The following SH3PXD2B variants were observed in gnomAD, a reference collection of about 807,000 sequenced individuals.
SH3PXD2B encodes the protein SH3 and PX domains 2B.
A neutral mutation model predicts 73.1 loss-of-function variants in SH3PXD2B; 37 were observed. That is an observed-to-expected ratio of 0.51 (90% CI 0.39 to 0.67). The LOEUF (loss-of-function observed/expected upper bound fraction) is 0.67, where lower values mean the gene tolerates loss of function less well. SH3PXD2B is among the 30% of genes least tolerant of loss of function. The pLI is 0.00. For missense variants in SH3PXD2B, 1,053 were observed against 1,197.8 expected, an observed-to-expected ratio of 0.88 and a Z score of 1.78; for synonymous variants, 457 against 480.5, an observed-to-expected ratio of 0.95 and a Z score of 0.64.
At chr5:172,329,537 A>ATTTTTTTT (rs1189125823), downstream of SH3PXD2B, among the ~76,000 whole-genome samples, 2 of 62,952 alleles carry the variant, frequency 3.2e-5, no homozygotes, top group Non-Finnish European at 7.1e-5. Flanking sequence ...GATCTTTGTT[A>ATTTTTTTT]TTCTTTTTTT....
rs547065472 is a variant in SH3PXD2B, at chr5:172,342,893, G to A, written c.1189-2977C>T. 3.5e-4 allele frequency among the ~76,000 whole-genome samples: 54 copies of A among 152,322 alleles called. No individual in the cohort carries two copies. In the East Asian group the frequency reaches 7.1e-3, roughly 20 times the overall value. ...GCAGCCACAGACTCAGCGCCAGGAC[G>A]CAAATGCTGGGCTCCTGGGCCTGCA... On this transcript the variant is annotated intron_variant, in intron 12 of 12. Coordinates refer to ENST00000311601, the MANE Select transcript of SH3PXD2B (RefSeq NM_001017995.3).
intron 10 of SH3PXD2B, 132 bp from the exon 11 acceptor site, chr5:172,347,464 G>A: frequency 2.3e-6 from 2 of 888,288 alleles, no homozygotes; most frequent in East Asian, 2.6e-5. Flanking sequence ...CCCTCCCTGT[G>A]AGAACAGCCT....
chr5:172,347,850 A>C (rs1199071291), intron 10 of SH3PXD2B, among the ~76,000 whole-genome samples: 1 of 152,210 alleles, frequency 6.6e-6, no homozygotes, highest in African/African-American at 2.4e-5. Flanking sequence ...GTGCTCTAGA[A>C]CAACCCAAAC....
intron 7 of SH3PXD2B, among the ~76,000 whole-genome samples, chr5:172,359,520 CAA>C (rs1336128056): frequency 1.3e-5 from 2 of 152,104 alleles, no homozygotes; most frequent in Admixed American, 6.6e-5. Flanking sequence ...AACTGAGGCT[CAA>C]AGAGGCAAAC....
At chr5:172,381,939 C>A in intron 5 of SH3PXD2B, 97 bp downstream of exon 5, 1 of 945,970 alleles carries the variant, frequency 1.1e-6, no homozygotes. Flanking sequence ...CCGACGAAAC[C>A]CACTTTTGGC....
intron 1 of SH3PXD2B, among the ~76,000 whole-genome samples, chr5:172,432,939 G>T (rs1314448815): frequency 1.8e-5 from 2 of 108,274 alleles, no homozygotes; most frequent in Admixed American, 9.4e-5. Context: ...GGGGGGGGGG[G>T]AAGAATTGAC....
intron 6 of SH3PXD2B, among the ~76,000 whole-genome samples, chr5:172,364,590 G>A (rs563575194): frequency 5.3e-5 from 8 of 152,098 alleles, no homozygotes; most frequent in Non-Finnish European, 1.0e-4. Flanking sequence ...GCTTGAACCC[G>A]GGAGGCAGAG....
Position 172,336,608 on chromosome 5 carries a change from CA to C in SH3PXD2B, c.*1760del, listed in dbSNP as rs1401247369. ...TTTGGCACTGCAGGTAGACACTGAG[CA>C]TCCCCCCAAAAAACTGGCTTTGTGG... On this transcript the variant is annotated 3_prime_UTR_variant, in exon 13 of 13. Transcript: ENST00000311601. The C allele has an allele frequency of 8.1e-6, 8 of 984,908 alleles. No homozygotes were observed. The African/African-American group carries it at 1.4e-4, about 17-fold the overall frequency. The allele number at this position is 984,908 out of a possible 1,614,324, so 61.0% of individuals were successfully genotyped here.
intron 4 of SH3PXD2B, among the ~76,000 whole-genome samples, chr5:172,390,373 C>T (rs1758153862): frequency 6.6e-6 from 1 of 152,100 alleles, no homozygotes; most frequent in African/African-American, 2.4e-5. Flanking sequence ...TAGCATTTAC[C>T]AGTGTTTCAT....
At position 172,373,828 on chromosome 5, in the gene SH3PXD2B, G is replaced by C. The variant is rs748746556; in HGVS notation, c.402-13C>G. 6.2e-7 allele frequency: 1 copy of C among 1,613,964 alleles called. No individual in the cohort carries two copies. The highest frequency in any genetic ancestry group is 2.2e-5 in the East Asian group (1 of 44,892). ...CCCAATGTGCTCCCTGTACAGGAAA[G>C]AAAGGGGGTGGGAAGAGTAACGAGT... On this transcript the variant is annotated splice_polypyrimidine_tract_variant and intron_variant, in intron 5 of 12. Coordinates refer to ENST00000311601, the MANE Select transcript of SH3PXD2B (RefSeq NM_001017995.3).
At chr5:172,393,642 G>T (rs776015623) in intron 4 of SH3PXD2B, among the ~76,000 whole-genome samples, 24 of 152,144 alleles carry the variant, frequency 1.6e-4, no homozygotes, top group Non-Finnish European at 3.5e-4. Flanking sequence ...GGGGGAGATT[G>T]TTCACTGCTC....
chr5:172,351,885 T>A (rs1197996610), intron 9 of SH3PXD2B, among the ~76,000 whole-genome samples: 2 of 152,164 alleles, frequency 1.3e-5, no homozygotes, highest in African/African-American at 4.8e-5. Context: ...AATATCCTAA[T>A]TAGAAAGTGC....
chr5:172,328,749 A>G (rs1318020210), downstream of SH3PXD2B, among the ~76,000 whole-genome samples: 4 of 151,980 alleles, frequency 2.6e-5, no homozygotes, highest in Non-Finnish European at 5.9e-5. Context: ...GCCCAGTGGA[A>G]TATGCGTCCC....
rs1201658186 is a variant in SH3PXD2B, at chr5:172,454,308, C to T, written c.45G>A (p.Val15=). The part of the protein sequence containing the change: ...RSIVEVKVLD[V]QKRRVPNKHY... Reference sequence around the variant, plus strand: ...GCTTGTTGGGCACCCGCCGCTTCTGCACGTCTAGCACCTTCACCTCCACGA... The same window carrying T: ...GCTTGTTGGGCACCCGCCGCTTCTGTACGTCTAGCACCTTCACCTCCACGA... The change falls in exon 1 of 13, where the codon GTG becomes GTA. Residue 15 remains valine, a synonymous_variant. Transcript: ENST00000311601. 8.1e-6 allele frequency: 13 copies of T among 1,599,268 alleles called. No individual in the cohort carries two copies. The highest frequency in any genetic ancestry group is 1.7e-4 in the Middle Eastern group (1 of 6,052).
rs752844424 is a variant in SH3PXD2B at position 172,350,453 on chromosome 5, T to A, written c.922A>T (p.Asn308Tyr). The A allele has an allele frequency of 3.1e-6, 5 of 1,614,144 alleles. No homozygotes were observed. The Admixed American group carries it at 8.3e-5, about 27-fold the overall frequency. The change falls in exon 10 of 13, where the codon AAC (asparagine) becomes TAC (tyrosine). Residue 308 changes from asparagine (N) to tyrosine (Y), a missense_variant. Asn to Tyr is a moderately radical substitution (Grantham distance 143). Transcript: ENST00000311601. Reference protein sequence around the residue: ...LDLDGVSRQQNAVGREKELLS... With the variant: ...LDLDGVSRQQYAVGREKELLS... ...AGCTCCTTCTCCCTGCCCACCGCGT[T>A]CTGCTGCCGGGAAACACCATCCAAG...
At chr5:172,412,786 T>C (rs1758730745) in intron 2 of SH3PXD2B, among the ~76,000 whole-genome samples, 1 of 152,184 alleles carries the variant, frequency 6.6e-6, no homozygotes, top group Non-Finnish European at 1.5e-5. Flanking sequence ...CATGTCATCC[T>C]TGGTAATGAG....
downstream of SH3PXD2B, among the ~76,000 whole-genome samples, chr5:172,328,723 C>T (rs921265461): frequency 5.3e-5 from 8 of 152,174 alleles, no homozygotes; most frequent in South Asian, 2.1e-4. Flanking sequence ...GCACAGGCCT[C>T]CTCCCACAGC....
chr5:172,338,951 A>T lies in SH3PXD2B; in HGVS notation c.2154T>A (p.Gly718=). 6.2e-7 allele frequency: 1 copy of T among 1,614,066 alleles called. No individual in the cohort carries two copies. Among genetic ancestry groups the T allele is most frequent in the Non-Finnish European group, 8.5e-7 (1 of 1,179,992 alleles). The change falls in exon 13 of 13, where the codon GGT becomes GGA. Residue 718 remains glycine (G), a synonymous_variant. Transcript: ENST00000311601. The surrounding 1 kb of genome is among the most constrained non-coding windows in gnomAD (Gnocchi z 5.1). Reference sequence around the variant, plus strand: ...TGCAGGAAATCTCTTTTGGGCTGAGACCATCCTGTTTGCCCGTCCTGTCCT... The same window carrying T: ...TGCAGGAAATCTCTTTTGGGCTGAGTCCATCCTGTTTGCCCGTCCTGTCCT... ...RAQDRTGKQD[G]LSPKEISCRA...
chr5:172,431,224 A>G (rs2569215), intron 1 of SH3PXD2B, among the ~76,000 whole-genome samples: 68,607 of 151,934 alleles, frequency 0.45, 15,845 homozygotes, highest in African/African-American at 0.56. Flanking sequence ...CATGGACACC[A>G]TCACGTGATC....
Sources: allele counts gnomAD v4.1 joint callset (sites outside exome capture counted in the v4.1 genomes callset), GRCh38; gene constraint gnomAD v4.1.1; non-coding constraint Gnocchi (gnomAD v3.1); transcripts MANE v1.5; gene names NCBI Gene and HGNC (gene_info 2026-07-23, HGNC 2026-07-21).